Variants in MYO5B observed in about 807,000 individuals in gnomAD.
MYO5B encodes the protein unconventional myosin-Vb.
A neutral mutation model predicts 229.3 loss-of-function variants in MYO5B; 143 were observed. That is an observed-to-expected ratio of 0.62 (90% confidence interval 0.54 to 0.72). MYO5B has a LOEUF of 0.72. MYO5B is among the 30% of genes least tolerant of loss of function. The probability of loss-of-function intolerance (pLI) is 0.00; values close to 1 mark genes in which losing one functional copy is unlikely to be tolerated. For synonymous variants in MYO5B, 918 were observed against 885.2 expected (o/e 1.04, Z -0.66); for missense variants, 2,321 against 2,331.0 (o/e 1.00, Z 0.09).
At chr18:50,030,699 C>A (rs1026018666) in intron 4 of MYO5B, among the ~76,000 whole-genome samples, 1 of 151,772 alleles carries the variant, frequency 6.6e-6, no homozygotes, top group Non-Finnish European at 1.5e-5. Flanking sequence ...ACCAGCTCCA[C>A]CCTCCACAGG....
chr18:49,983,143 C>T (rs1291121734), intron 8 of MYO5B, among the ~76,000 whole-genome samples: 2 of 152,226 alleles, frequency 1.3e-5, no homozygotes, highest in Admixed American at 1.3e-4. Flanking sequence ...TTCAAAGCAT[C>T]CCCTTTGCCC....
At chr18:50,040,726 G>A (rs2029988337) in intron 2 of MYO5B, among the ~76,000 whole-genome samples, 2 of 152,114 alleles carry the variant, frequency 1.3e-5, no homozygotes, top group Non-Finnish European at 2.9e-5. Flanking sequence ...GGATCATCTT[G>A]TATCTGATGA....
intron 1 of MYO5B, among the ~76,000 whole-genome samples, chr18:50,120,353 C>T (rs952969624): frequency 1.4e-4 from 21 of 152,232 alleles, no homozygotes; most frequent in South Asian, 6.2e-4. Flanking sequence ...TTCTGAACCC[C>T]TTGCCTGACT....
chr18:49,963,175 T>C, intron 10 of MYO5B, 145 bp from the exon 11 acceptor site: 1 of 732,772 alleles, frequency 1.4e-6, no homozygotes, highest in Non-Finnish European at 2.5e-6. Context: ...GAGACCACTG[T>C]TGCAGAAGTT....
At chr18:50,009,539 A>C (rs1291016106) in intron 4 of MYO5B, among the ~76,000 whole-genome samples, 1 of 152,220 alleles carries the variant, frequency 6.6e-6, no homozygotes. Context: ...ACTCCAGTGG[A>C]AAGAAAAATC....
intron 1 of MYO5B, among the ~76,000 whole-genome samples, chr18:50,073,310 G>C (rs1203111381): frequency 1.3e-5 from 2 of 152,124 alleles, no homozygotes; most frequent in Non-Finnish European, 2.9e-5. Flanking sequence ...TCTGCACCCA[G>C]ATGGAACTGG....
intron 1 of MYO5B, among the ~76,000 whole-genome samples, chr18:50,142,001 C>G (rs2032425383): frequency 6.6e-6 from 1 of 152,200 alleles, no homozygotes; most frequent in Non-Finnish European, 1.5e-5. Context: ...TCTGCTATTG[C>G]TTCTAGGACC....
At chr18:50,158,976 C>G (rs576393398) in intron 1 of MYO5B, among the ~76,000 whole-genome samples, 1 of 152,182 alleles carries the variant, frequency 6.6e-6, no homozygotes, top group Non-Finnish European at 1.5e-5. Flanking sequence ...ATGGACACTT[C>G]CAAATGAGAG....
rs121908106 is a variant in MYO5B at position 49,936,276 on chromosome 18, G to A, written c.1979C>T (p.Pro660Leu). The A allele has an allele frequency of 1.2e-6, 2 of 1,602,232 alleles. No homozygotes were observed. Among genetic ancestry groups the A allele is most frequent in the Admixed American group, 3.4e-5 (2 of 58,450 alleles). ...CTGAAAGGGGAGCTTCTCATCGTTGGGCTTGATGCAGCGGACATAGTGAGG... is the reference window on the plus strand; with the variant it reads ...CTGAAAGGGGAGCTTCTCATCGTTGAGCTTGATGCAGCGGACATAGTGAGG... The part of the protein sequence containing the change: ...TTPHYVRCIK[P>L]NDEKLPFHFD... Residue 660 changes from proline to leucine, a missense_variant, in exon 16 of 40, where the codon CCC becomes CTC. Transcript: ENST00000285039.
Position 49,966,398 on chromosome 18 carries a change from C to T in MYO5B, c.1323-3368G>A, listed in dbSNP as rs140771722. On this transcript the variant is annotated intron_variant, in intron 10 of 39. Coordinates refer to ENST00000285039, the MANE Select transcript of MYO5B (RefSeq NM_001080467.3). ...CACTCCAGACCAAGCAGGAGAAGCA[C>T]TGTGTCTGCCAGTCACTGCCTTGAA... Among the ~76,000 whole-genome samples, 761 of 152,312 alleles carry T rather than the reference C, an allele frequency of 5.0e-3. 11 individuals carry two copies. The highest frequency in any genetic ancestry group is 0.017 in the African/African-American group (701 of 41,570).
chr18:50,186,526 G>T (rs1174121751), intron 1 of MYO5B, among the ~76,000 whole-genome samples: 1 of 152,134 alleles, frequency 6.6e-6, no homozygotes, highest in Non-Finnish European at 1.5e-5. Context: ...CGCTCTCATA[G>T]TTCATGTTTG....
At position 49,954,001 on chromosome 18, in the gene MYO5B, CAT is replaced by C. The variant is rs771207079; in HGVS notation, c.1668+310_1668+311del. Reference sequence around the variant, plus strand: ...TGTATAGACTATATATATACACAGACATATATGTGTGTATGTATTTATATGTG... The same window carrying C: ...TGTATAGACTATATATATACACAGACATATGTGTGTATGTATTTATATGTG... On this transcript the variant is annotated intron_variant, in intron 13 of 39. Coordinates refer to ENST00000285039, the MANE Select transcript of MYO5B (RefSeq NM_001080467.3). Among the ~76,000 whole-genome samples, 330 of 115,344 alleles carry C rather than the reference CAT, an allele frequency of 2.9e-3. 5 individuals carry two copies. The highest frequency in any genetic ancestry group is 0.01 in the African/African-American group (304 of 28,974). The allele number at this position is 115,344 out of a possible 152,430, so 75.7% of individuals were successfully genotyped here. A position where few individuals can be genotyped will look rare whatever the true frequency, so the allele number is the denominator to read the frequency against.
intron 4 of MYO5B, 32 bp downstream of exon 4, chr18:50,036,818 C>G (rs2026453135): frequency 3.7e-6 from 6 of 1,613,476 alleles, no homozygotes; most frequent in Non-Finnish European, 5.1e-6. Context: ...ACTGACTACT[C>G]AGGAGGACTT....
intron 29 of MYO5B, among the ~76,000 whole-genome samples, chr18:49,861,995 GTTT>G (rs978135894): frequency 1.5e-5 from 2 of 131,108 alleles, no homozygotes. Flanking sequence ...CCAGCTCCAT[GTTT>G]TTTTTTTTTT....
chr18:49,939,439 C>T (rs1377606657), intron 14 of MYO5B, among the ~76,000 whole-genome samples: 2 of 152,130 alleles, frequency 1.3e-5, no homozygotes, highest in African/African-American at 4.8e-5. Context: ...CCACCATGCC[C>T]GGCCTACATG....
chr18:49,978,518 T>C (rs2025778300), intron 9 of MYO5B, among the ~76,000 whole-genome samples: 1 of 151,884 alleles, frequency 6.6e-6, no homozygotes, highest in African/African-American at 2.4e-5. Context: ...ACTCTTACTC[T>C]CCTGTGTGCC....
intron 1 of MYO5B, among the ~76,000 whole-genome samples, chr18:50,059,442 A>T (rs984080547): frequency 2.0e-5 from 3 of 152,222 alleles, no homozygotes; most frequent in Admixed American, 2.0e-4. Flanking sequence ...GGGGAAAACA[A>T]GTTAATGCCG....
At chr18:50,033,074 C>CA in intron 4 of MYO5B, among the ~76,000 whole-genome samples, 1 of 152,108 alleles carries the variant, frequency 6.6e-6, no homozygotes, top group South Asian at 2.1e-4. Flanking sequence ...TTTTACTTTT[C>CA]AAAAAAACCA....
intron 39 of MYO5B, among the ~76,000 whole-genome samples, chr18:49,828,136 A>G (rs1202058121): frequency 1.3e-5 from 2 of 152,190 alleles, no homozygotes; most frequent in East Asian, 3.9e-4. Context: ...GAATCTGCAG[A>G]TATGGAACCT....
Sources: gnomAD v4.1 joint callset for allele counts (sites outside exome capture counted in the v4.1 genomes callset) on GRCh38, gnomAD v4.1.1 for gene constraint, MANE v1.5 for transcripts, NCBI Gene and HGNC (gene_info 2026-07-23, HGNC 2026-07-21) for gene names.